Variants in AUTS2 observed in about 807,000 individuals in gnomAD.
The protein encoded by AUTS2 is autism susceptibility gene 2 protein.
A neutral mutation model predicts 112.4 loss-of-function variants in AUTS2; 17 were observed. That is an observed-to-expected ratio of 0.15 (90% CI 0.10 to 0.23). The LOEUF is 0.23. AUTS2 is among the 10% of genes least tolerant of loss of function. The pLI is 1.00. For missense variants in AUTS2, 1,510 were observed against 1,701.6 expected (o/e 0.89, Z 1.98); for synonymous variants, 751 against 702.7 (o/e 1.07, Z -1.09).
At chr7:70,483,477 C>T (rs1797869456) in intron 5 of AUTS2, among the ~76,000 whole-genome samples, 1 of 152,164 alleles carries the variant, frequency 6.6e-6, no homozygotes, top group African/African-American at 2.4e-5. Context: ...CTGTTTCCCC[C>T]ATTTGGTCCT....
intron 1 of AUTS2, among the ~76,000 whole-genome samples, chr7:69,636,702 T>C (rs937182770): frequency 1.3e-5 from 2 of 152,228 alleles, no homozygotes; most frequent in Non-Finnish European, 2.9e-5. Flanking sequence ...CAAACTGTTT[T>C]GTAGTATGCT....
intron 4 of AUTS2, among the ~76,000 whole-genome samples, chr7:70,219,455 G>A (rs186027225): frequency 3.2e-4 from 48 of 152,044 alleles, no homozygotes; most frequent in African/African-American, 1.1e-3. Flanking sequence ...TCAGAATTTT[G>A]AGTGTATAGA....
intron 1 of AUTS2, among the ~76,000 whole-genome samples, chr7:69,841,670 T>C (rs545808275): frequency 6.6e-6 from 1 of 152,294 alleles, no homozygotes; most frequent in East Asian, 1.9e-4. Context: ...AAATTGCTGG[T>C]GGGTATTACT....
chr7:70,591,434 T>C (rs1802941194), intron 5 of AUTS2, among the ~76,000 whole-genome samples: 1 of 151,862 alleles, frequency 6.6e-6, no homozygotes, highest in Non-Finnish European at 1.5e-5. Context: ...GGTCTCACTC[T>C]GTCCCCCAGG....
intron 4 of AUTS2, among the ~76,000 whole-genome samples, chr7:70,355,212 A>G (rs929969957): frequency 6.6e-6 from 1 of 151,802 alleles, no homozygotes; most frequent in African/African-American, 2.4e-5. Flanking sequence ...CAAATTTCTG[A>G]CCCTTCCTCC....
At chr7:69,967,120 G>A (rs762454104) in intron 2 of AUTS2, among the ~76,000 whole-genome samples, 9 of 152,172 alleles carry the variant, frequency 5.9e-5, no homozygotes, top group African/African-American at 9.7e-5. Context: ...TTCTGTAGGC[G>A]TGGAGAAAGG....
At chr7:70,623,904 G>A (rs925963996) in intron 5 of AUTS2, among the ~76,000 whole-genome samples, 10 of 152,128 alleles carry the variant, frequency 6.6e-5, no homozygotes, top group Admixed American at 1.3e-4. Flanking sequence ...ATGAACTGCC[G>A]TTCTCCAGCT....
chr7:70,496,376 CCA>C (rs2116528166), intron 5 of AUTS2, among the ~76,000 whole-genome samples: 2 of 127,122 alleles, frequency 1.6e-5, no homozygotes, highest in Non-Finnish European at 3.3e-5. Flanking sequence ...ATCACACACC[CCA>C]CTCACACACA....
chr7:70,393,411 T>G (rs1456542363), intron 4 of AUTS2, among the ~76,000 whole-genome samples: 1 of 152,182 alleles, frequency 6.6e-6, no homozygotes, highest in East Asian at 1.9e-4. Flanking sequence ...CCTGCTCATC[T>G]GCCCCATGGT....
At chr7:70,741,883 T>C (rs1788135794) in intron 6 of AUTS2, among the ~76,000 whole-genome samples, 2 of 152,140 alleles carry the variant, frequency 1.3e-5, no homozygotes, top group Non-Finnish European at 2.9e-5. Flanking sequence ...TGTGCTACAC[T>C]CGTAGCACAC....
In AUTS2 at chr7:70,786,053, C is replaced by CT; in HGVS notation, c.2308+19dup. On this transcript the variant is annotated intron_variant, in intron 17 of 18. Transcript: ENST00000342771. ...TCCTTCCGTTAGTGAGTACCTCTAA[C>CT]TTTTAAAAATCTGCCTTGGACTTTT... 1 of 1,610,264 alleles carries CT rather than the reference C, an allele frequency of 6.2e-7. No individual in the cohort carries two copies. Among genetic ancestry groups the CT allele is most frequent in the Non-Finnish European group, 8.5e-7 (1 of 1,176,570 alleles).
chr7:69,933,260 C>G (rs1796289539), intron 2 of AUTS2, among the ~76,000 whole-genome samples: 1 of 152,156 alleles, frequency 6.6e-6, no homozygotes, highest in African/African-American at 2.4e-5. Flanking sequence ...AATTATACCA[C>G]ATTAAATTGT....
At chr7:70,675,475 G>A (rs1456149747) in intron 5 of AUTS2, among the ~76,000 whole-genome samples, 4 of 152,288 alleles carry the variant, frequency 2.6e-5, no homozygotes, top group South Asian at 2.1e-4. Context: ...CAGCCTGGGC[G>A]ACAGAGCAAG....
At chr7:70,752,239 A>G (rs1788912784) in intron 6 of AUTS2, among the ~76,000 whole-genome samples, 1 of 152,076 alleles carries the variant, frequency 6.6e-6, no homozygotes, top group Non-Finnish European at 1.5e-5. Context: ...ATAAATATTG[A>G]GGCTGGCAGG....
rs999051037 is a variant in AUTS2 at position 70,193,542 on chromosome 7, C to T, written c.660+58971C>T. ...GTAACTCACCTAAAGTTACATAGCT[C>T]ATGAGCAATGTGGCAGATGTTTAAG... On this transcript the variant is annotated intron_variant, in intron 4 of 18. Transcript: ENST00000342771. 2.0e-5 allele frequency among the ~76,000 whole-genome samples: 3 copies of T among 152,166 alleles called. 1 individual carries two copies. The highest frequency in any genetic ancestry group is 2.0e-4 in the Admixed American group (3 of 15,274).
At chr7:70,189,674 T>G (rs975798444) in intron 4 of AUTS2, among the ~76,000 whole-genome samples, 10 of 152,224 alleles carry the variant, frequency 6.6e-5, no homozygotes, top group Non-Finnish European at 2.9e-5. Flanking sequence ...AGAATATATG[T>G]AAGGTGCCTG....
chr7:69,808,571 TA>T (rs1790409988), intron 1 of AUTS2, among the ~76,000 whole-genome samples: 1 of 152,210 alleles, frequency 6.6e-6, no homozygotes, highest in Admixed American at 6.5e-5. Flanking sequence ...CTAGGTAATA[TA>T]GTACACTCTG....
At chr7:70,283,561 T>G (rs1413830355) in intron 4 of AUTS2, among the ~76,000 whole-genome samples, 8 of 152,194 alleles carry the variant, frequency 5.3e-5, no homozygotes. Flanking sequence ...TATATATGTA[T>G]GTATACACAC....
intron 4 of AUTS2, among the ~76,000 whole-genome samples, chr7:70,246,233 T>C (rs1282285606): frequency 6.6e-6 from 1 of 152,146 alleles, no homozygotes; most frequent in Non-Finnish European, 1.5e-5. Flanking sequence ...TTTTCCTGTA[T>C]AGTTTGAGTC....
Sources: allele counts gnomAD v4.1 joint callset (sites outside exome capture counted in the v4.1 genomes callset), GRCh38; gene constraint gnomAD v4.1.1; transcripts MANE v1.5; gene names NCBI Gene and HGNC (gene_info 2026-07-23, HGNC 2026-07-21).